The following NKIRAS1 variants were observed in gnomAD, a reference collection of about 807,000 sequenced individuals.
The protein encoded by NKIRAS1 is NFKB inhibitor interacting Ras like 1.
Under a neutral mutation model 19.8 loss-of-function variants are expected in NKIRAS1, and 16 were observed. The observed-to-expected ratio is 0.81, with a 90% confidence interval of 0.55 to 1.23. The LOEUF (loss-of-function observed/expected upper bound fraction) is 1.23, where lower values mean the gene tolerates loss of function less well. Among genes scored for constraint, NKIRAS1 ranks in the 50% most tolerant of loss-of-function variants. The probability of loss-of-function intolerance (pLI) is 0.00; values close to 1 mark genes in which losing one functional copy is unlikely to be tolerated. For synonymous variants in NKIRAS1, 88 were observed against 79.0 expected (o/e 1.11, Z -0.61); for missense variants, 184 against 220.0 (o/e 0.84, Z 1.04).
chr3:23,891,140 T>G lies in NKIRAS1; in HGVS notation c.*1955A>C, dbSNP rs2125337841. 1 of 152,760 alleles carries G rather than the reference T, an allele frequency of 6.5e-6. No individual in the cohort carries two copies. The highest frequency in any genetic ancestry group is 2.4e-5 in the African/African-American group (1 of 41,560). 9.5% of individuals were successfully genotyped at this position (152,760 alleles called of 1,614,324 possible). A position where few individuals can be genotyped will look rare whatever the true frequency, so the allele number is the denominator to read the frequency against. On this transcript the variant is annotated 3_prime_UTR_variant, in exon 5 of 5. Coordinates refer to ENST00000425478, the MANE Select transcript of NKIRAS1 (RefSeq NM_020345.4). ...TTATTTTATATGCCAATCTACTTTG[T>G]TTAAAAAAGGTCTGAATCAGGACTT...
intron 1 of NKIRAS1, chr3:23,945,201 G>C (rs1383528376): frequency 1.1e-3 from 15 of 14,208 alleles, no homozygotes; most frequent in African/African-American, 3.6e-4. Context: ...GGAGCGGCGG[G>C]GCGGAGGTCG....
chr3:23,940,568 G>C (rs942592010), intron 1 of NKIRAS1, among the ~76,000 whole-genome samples: 1 of 151,974 alleles, frequency 6.6e-6, no homozygotes, highest in African/African-American at 2.4e-5. Flanking sequence ...TTGAATTAGT[G>C]TTTTCTATGC....
chr3:23,907,774 C>G (rs1224484647), intron 3 of NKIRAS1, among the ~76,000 whole-genome samples: 2 of 152,066 alleles, frequency 1.3e-5, no homozygotes, highest in Non-Finnish European at 2.9e-5. Flanking sequence ...AATCTCAAGC[C>G]TTGAGTATAT....
At chr3:23,946,002 C>A (rs1348216822) in intron 1 of NKIRAS1, 4 of 666,318 alleles carry the variant, frequency 6.0e-6, no homozygotes, top group South Asian at 6.5e-5. Context: ...CCACATTCCC[C>A]GGGGCCGCAG....
intron 1 of NKIRAS1, among the ~76,000 whole-genome samples, chr3:23,932,429 C>A (rs1705334237): frequency 6.6e-6 from 1 of 152,064 alleles, no homozygotes; most frequent in Non-Finnish European, 1.5e-5. Context: ...ACTTCTAGGC[C>A]TGTAATTCCA....
chr3:23,916,721 A>G (rs1467510027), intron 1 of NKIRAS1, 63 bp downstream of exon 1: 2 of 92,644 alleles, frequency 2.2e-5, no homozygotes, highest in Admixed American at 1.2e-4. Context: ...GGGACAGCGC[A>G]GCGCGGAGAC....
intron 3 of NKIRAS1, among the ~76,000 whole-genome samples, chr3:23,909,858 T>C (rs546206764): frequency 8.5e-6 from 1 of 117,454 alleles, no homozygotes; most frequent in Non-Finnish European, 2.0e-5. Flanking sequence ...GTTTTTGTTT[T>C]TTTTTGTTTT....
chr3:23,945,462 G>C (rs1233734775), intron 1 of NKIRAS1: 11 of 501,378 alleles, frequency 2.2e-5, no homozygotes, highest in African/African-American at 1.2e-4. Flanking sequence ...CTGCCCATGA[G>C]GGGGCCCCGC....
Position 23,910,809 on chromosome 3 carries a change from ACCAATAGTATGATTT to A in NKIRAS1, c.81_94+1del. On this transcript the variant is annotated splice_donor_variant and coding_sequence_variant, in exon 3 of 5. Coordinates refer to ENST00000425478, the MANE Select transcript of NKIRAS1 (RefSeq NM_020345.4). LOFTEE classifies it high-confidence loss of function. ...AGACAAACTAGAGAAAAACAATCTT[ACCAATAGTATGATTT>A]CCATAAAGGAGCTGCTCCAAAATTG... 5 of 1,607,478 alleles carry A rather than the reference ACCAATAGTATGATTT, an allele frequency of 3.1e-6. No individual in the cohort carries two copies. The highest frequency in any genetic ancestry group is 4.3e-6 in the Non-Finnish European group (5 of 1,173,958).
At chr3:23,910,308 T>C (rs1295535613) in intron 3 of NKIRAS1, among the ~76,000 whole-genome samples, 1 of 151,860 alleles carries the variant, frequency 6.6e-6, no homozygotes, top group Non-Finnish European at 1.5e-5. Flanking sequence ...AGCCACCTGC[T>C]ACTATGCCTG....
At chr3:23,946,018 C>A (rs1281124336) in intron 1 of NKIRAS1, 5 of 771,054 alleles carry the variant, frequency 6.5e-6, no homozygotes, top group Non-Finnish European at 7.9e-6. Context: ...CGCAGGGACA[C>A]GTGGGGGCGG....
At position 23,940,377 on chromosome 3, in the gene NKIRAS1, G is replaced by C. The variant is rs113950140; in HGVS notation, c.-140+5946C>G. ...AAAATTAAAAAAACTGCAACAGTGT[G>C]AATTTTTTTTTTCATTAAACACAAC... On this transcript the variant is annotated intron_variant, in intron 1 of 4. Transcript: ENST00000421515. 2.3e-3 allele frequency among the ~76,000 whole-genome samples: 347 copies of C among 151,972 alleles called. 1 individual carries two copies. The highest frequency in any genetic ancestry group is 7.7e-3 in the African/African-American group (320 of 41,480).
At chr3:23,902,046 C>T (rs966096874) in intron 3 of NKIRAS1, among the ~76,000 whole-genome samples, 2 of 152,132 alleles carry the variant, frequency 1.3e-5, no homozygotes, top group Non-Finnish European at 2.9e-5. Flanking sequence ...TGCACTCCAG[C>T]TTGGATGACA....
chr3:23,924,238 A>G (rs1224329988), intron 1 of NKIRAS1: 1 of 152,248 alleles, frequency 6.6e-6, no homozygotes, highest in Non-Finnish European at 1.5e-5. Flanking sequence ...AACTAATTCA[A>G]TAAATAAAGT....
intron 3 of NKIRAS1, among the ~76,000 whole-genome samples, chr3:23,906,576 T>G (rs1336082017): frequency 1.3e-5 from 2 of 151,978 alleles, no homozygotes; most frequent in Non-Finnish European, 2.9e-5. Context: ...ATAAAAACAA[T>G]GAGGATGAAG....
At chr3:23,920,465 G>A (rs980857260), upstream of NKIRAS1, 1 of 985,316 alleles carries the variant, frequency 1.0e-6, no homozygotes, top group African/African-American at 1.7e-5. Context: ...CACAAAGTTG[G>A]ACCATCACTT....
At chr3:23,946,122 CCT>C in intron 1 of NKIRAS1, 1 of 984,914 alleles carries the variant, frequency 1.0e-6, no homozygotes, top group Non-Finnish European at 1.2e-6. Flanking sequence ...GCCGCGATTC[CCT>C]CCTCCCCCGC....
At chr3:23,935,950 G>A (rs1705384224) in intron 1 of NKIRAS1, among the ~76,000 whole-genome samples, 1 of 151,966 alleles carries the variant, frequency 6.6e-6, no homozygotes, top group East Asian at 2.0e-4. Flanking sequence ...CGGTATGGTG[G>A]TGTACACCTG....
chr3:23,915,518 T>G (rs1021943926), intron 1 of NKIRAS1, among the ~76,000 whole-genome samples: 1 of 152,240 alleles, frequency 6.6e-6, no homozygotes, highest in Non-Finnish European at 1.5e-5. Flanking sequence ...GCAGTCTCTC[T>G]GCTTCCATTT....
Sources: gnomAD v4.1 joint callset for allele counts (sites outside exome capture counted in the v4.1 genomes callset) on GRCh38, gnomAD v4.1.1 for gene constraint, MANE v1.5 for transcripts, NCBI Gene and HGNC (gene_info 2026-07-23, HGNC 2026-07-21) for gene names.